Variants in MTMR3 observed in about 807,000 individuals in gnomAD.
The protein encoded by MTMR3 is myotubularin related protein 3.
In MTMR3, 32 loss-of-function variants were observed where a neutral mutation model predicts 132.4. The ratio of observed to expected loss-of-function variants is 0.24; its 90% CI spans 0.18 to 0.32. MTMR3 has a LOEUF of 0.32. MTMR3 is among the 10% of genes least tolerant of loss of function. The pLI is 1.00. For missense variants in MTMR3, 1,216 were observed against 1,489.6 expected (o/e 0.82, Z 3.02); for synonymous variants, 556 against 550.3 (o/e 1.01, Z -0.14).
In MTMR3 at chr22:30,025,743, C is replaced by T. The variant is rs145809680; in HGVS notation, c.3539C>T (p.Pro1180Leu). Residue 1180 changes from proline to leucine, a missense_variant, in exon 20 of 20, where the codon CCC becomes CTC. By Grantham distance (98) the Pro-to-Leu change is moderately conservative (BLOSUM62 -3). This residue lies in a region of MTMR3 where 852 missense variants were observed against 852.0 expected (regional missense o/e 1.00). Transcript: ENST00000401950. ...AAGTCTTGCTATAGCAGCCTACATC[C>T]CACAAGCTCCAGCATTGACCTTGAA... ...VCKSCYSSLH[P>L]TSSSIDLELD... The T allele has an allele frequency of 6.2e-7, 1 of 1,614,194 alleles. No homozygotes were observed. The highest frequency in any genetic ancestry group is 8.5e-7 in the Non-Finnish European group (1 of 1,180,022).
chr22:29,995,339 G>A (rs2067040966), intron 7 of MTMR3: 1 of 152,162 alleles, frequency 6.6e-6, no homozygotes, highest in Non-Finnish European at 1.5e-5. Flanking sequence ...TCTGACTCTG[G>A]TATTGGTCTG....
chr22:29,967,228 T>C (rs1364266834), intron 2 of MTMR3, among the ~76,000 whole-genome samples: 3,237 of 110,282 alleles, frequency 0.029, 42 homozygotes, highest in Non-Finnish European at 0.036. Flanking sequence ...TGTGTGTGTG[T>C]GTGTGCATGC....
At chr22:29,944,187 G>A (rs921478710) in intron 1 of MTMR3, among the ~76,000 whole-genome samples, 3 of 151,904 alleles carry the variant, frequency 2.0e-5, no homozygotes, top group South Asian at 2.1e-4. Context: ...ACAGTGTTTC[G>A]TGGTTCCTTT....
chr22:29,906,066 C>T (rs752923490), intron 1 of MTMR3, among the ~76,000 whole-genome samples: 13 of 152,082 alleles, frequency 8.5e-5, no homozygotes, highest in Non-Finnish European at 1.6e-4. Context: ...GTGTTTTCTA[C>T]GCTGGCCTTT....
chr22:30,000,219 T>G (rs1347464686), intron 8 of MTMR3: 1 of 152,248 alleles, frequency 6.6e-6, no homozygotes, highest in Non-Finnish European at 1.5e-5. Flanking sequence ...CCCAGCACTT[T>G]GGGAGGCTGA....
chr22:29,922,896 T>G (rs557270912), intron 1 of MTMR3, among the ~76,000 whole-genome samples: 1 of 151,702 alleles, frequency 6.6e-6, no homozygotes, highest in Non-Finnish European at 1.5e-5. Flanking sequence ...TAGTGTTTTT[T>G]TTTTTTTTTT....
At position 30,022,139 on chromosome 22, in the gene MTMR3, G is replaced by T; in HGVS notation, c.3336G>T (p.Glu1112Asp). 1 of 1,610,156 alleles carries T rather than the reference G, an allele frequency of 6.2e-7. No homozygotes were observed. The change falls in exon 18 of 20, where the codon GAG becomes GAT. Residue 1112 changes from glutamate to aspartate, a missense_variant and splice_region_variant. Around this residue, in one of 7 missense-constraint regions of MTMR3, gnomAD observed 852 missense variants for 852.0 expected, o/e 1.00. Coordinates refer to ENST00000401950, the MANE Select transcript of MTMR3 (RefSeq NM_021090.4). ...AGCAGGTGGATAAACAGGACACAGA[G>T]GTACAGGCTCAGCCCCTGCTCTGAG... ...SWEQVDKQDTEMTRWLPDHLA... is the reference protein window; with the variant it reads ...SWEQVDKQDTDMTRWLPDHLA...
chr22:29,896,328 A>G (rs1216182100), intron 1 of MTMR3, among the ~76,000 whole-genome samples: 4 of 152,172 alleles, frequency 2.6e-5, no homozygotes, highest in Admixed American at 2.0e-4. Flanking sequence ...ACAAACAAAA[A>G]AAACTTTTTC....
At chr22:29,940,745 C>T (rs980033043) in intron 1 of MTMR3, among the ~76,000 whole-genome samples, 1 of 150,092 alleles carries the variant, frequency 6.7e-6, no homozygotes, top group Non-Finnish European at 1.5e-5. Context: ...TCGTAAAGCA[C>T]ATGCCCTTGA....
At chr22:30,022,878 A>T in intron 19 of MTMR3, 181 bp downstream of exon 19, 1 of 594,758 alleles carries the variant, frequency 1.7e-6, no homozygotes, top group South Asian at 2.0e-5. Flanking sequence ...CTTTGTTCAA[A>T]TTCAGAGTAA....
At chr22:29,933,281 C>CT (rs71328816) in intron 1 of MTMR3, among the ~76,000 whole-genome samples, 6,094 of 148,960 alleles carry the variant, frequency 0.041, 362 homozygotes, top group South Asian at 0.24. Context: ...AGGACATTAT[C>CT]TTTTTTTTTT....
In MTMR3 at chr22:30,006,989, G is replaced by A. The variant is rs560646350; in HGVS notation, c.672-125G>A. On this transcript the variant is annotated intron_variant, in intron 9 of 19. Transcript: ENST00000401950. ...ATTTCTACCCTCTTTAATACTGAGA[G>A]GACTTGAAGCTGACCCAACACTTAC... The A allele has an allele frequency of 1.0e-4, 90 of 884,524 alleles. 1 individual carries two copies. The Admixed American group carries it at 1.8e-3, about 17-fold the overall frequency. 54.8% of individuals were successfully genotyped at this position (884,524 alleles called of 1,614,324 possible). A position where few individuals can be genotyped will look rare whatever the true frequency, so the allele number is the denominator to read the frequency against.
chr22:29,903,390 CTTTTTTT>C (rs35625964), intron 1 of MTMR3, among the ~76,000 whole-genome samples: 1 of 119,706 alleles, frequency 8.4e-6, no homozygotes, highest in Non-Finnish European at 1.7e-5. Flanking sequence ...CTTTTTCTTT[CTTTTTTT>C]TTTTTTTTTT....
intron 1 of MTMR3, among the ~76,000 whole-genome samples, chr22:29,886,092 CAG>C (rs2064671644): frequency 6.6e-6 from 1 of 152,142 alleles, no homozygotes; most frequent in Non-Finnish European, 1.5e-5. Flanking sequence ...TCTGTGCCCT[CAG>C]ATATTTTTTA....
intron 8 of MTMR3, chr22:29,999,080 T>C: frequency 3.1e-6 from 1 of 319,554 alleles, no homozygotes; most frequent in African/African-American, 2.2e-5. Flanking sequence ...GAACCTTCCC[T>C]TTTACCCCCT....
intron 14 of MTMR3, 94 bp from the exon 15 acceptor site, chr22:30,016,434 C>T: frequency 7.1e-7 from 1 of 1,402,778 alleles, no homozygotes; most frequent in Non-Finnish European, 9.8e-7. Context: ...TTGAAGTGTT[C>T]TCAGGGATGT....
chr22:29,895,967 C>T (rs2064886435), intron 1 of MTMR3, among the ~76,000 whole-genome samples: 1 of 152,160 alleles, frequency 6.6e-6, no homozygotes, highest in Non-Finnish European at 1.5e-5. Context: ...TTCAAATCGA[C>T]AATTTTTAAA....
chr22:30,018,456 T>C (rs546141310), intron 16 of MTMR3: 3 of 167,556 alleles, frequency 1.8e-5, no homozygotes, highest in South Asian at 1.7e-4. Flanking sequence ...AAATTTTGCT[T>C]TGGGGCCAGG....
chr22:30,020,377 C>T lies in MTMR3; in HGVS notation c.2718C>T (p.Ser906=). Residue 906 remains serine (S), a synonymous_variant, in exon 17 of 20, where the codon AGC becomes AGT. Transcript: ENST00000401950. The part of the protein sequence containing the change: ...GSVVHRTSLG[S]TLSLTRSPCA... ...TGGTGCATAGGACTTCCCTTGGCAG[C>T]ACTCTCAGCCTGACACGTTCCCCTT... The T allele has an allele frequency of 6.2e-7, 1 of 1,614,190 alleles. No individual in the cohort carries two copies.
Sources: gnomAD v4.1 joint callset for allele counts (sites outside exome capture counted in the v4.1 genomes callset) on GRCh38, gnomAD v4.1.1 for gene constraint, gnomAD v4.1.1 regional missense constraint, MANE v1.5 for transcripts, NCBI Gene and HGNC (gene_info 2026-07-23, HGNC 2026-07-21) for gene names.